Variants in ROBO2 observed in about 807,000 individuals in gnomAD.
The protein encoded by ROBO2 is roundabout guidance receptor 2, also known as roundabout homolog 2.
Under a neutral mutation model 160.8 loss-of-function variants are expected in ROBO2, and 53 were observed. That is an observed-to-expected ratio of 0.33 (90% CI 0.26 to 0.41). The LOEUF (loss-of-function observed/expected upper bound fraction) is 0.41. ROBO2 is among the 10% of genes least tolerant of loss of function. The pLI is 1.00. For missense variants in ROBO2, 1,577 were observed against 1,722.4 expected, an observed-to-expected ratio of 0.92 and a Z score of 1.49; for synonymous variants, 664 against 611.7, an observed-to-expected ratio of 1.09 and a Z score of -1.26.
At chr3:76,842,157 G>A (rs1430117929) in intron 2 of ROBO2, among the ~76,000 whole-genome samples, 1 of 152,178 alleles carries the variant, frequency 6.6e-6, no homozygotes, top group Non-Finnish European at 1.5e-5. Flanking sequence ...ATAGACAATA[G>A]AGAAGGATCG....
chr3:77,497,094 C>A (rs961007772), intron 5 of ROBO2, among the ~76,000 whole-genome samples: 1 of 152,012 alleles, frequency 6.6e-6, no homozygotes, highest in Non-Finnish European at 1.5e-5. Context: ...ATTTTCCATG[C>A]GACCAAGGGA....
intron 2 of ROBO2, among the ~76,000 whole-genome samples, chr3:76,220,870 C>A (rs1485925606): frequency 1.3e-5 from 2 of 152,298 alleles, no homozygotes; most frequent in Admixed American, 6.5e-5. Context: ...CCTTCCTCTA[C>A]CACCCATTCT....
At chr3:76,441,646 G>A (rs1559950785) in intron 2 of ROBO2, among the ~76,000 whole-genome samples, 1 of 151,984 alleles carries the variant, frequency 6.6e-6, no homozygotes, top group African/African-American at 2.4e-5. Flanking sequence ...TAAAAACTGT[G>A]TGAGTGTGTA....
chr3:76,536,613 C>T (rs542886065), intron 2 of ROBO2, among the ~76,000 whole-genome samples: 7 of 152,052 alleles, frequency 4.6e-5, no homozygotes, highest in African/African-American at 1.7e-4. Context: ...GTCTGCTATT[C>T]CCATCGGGGA....
intron 2 of ROBO2, among the ~76,000 whole-genome samples, chr3:75,938,884 C>T (rs1325372798): frequency 6.6e-6 from 1 of 152,128 alleles, no homozygotes; most frequent in East Asian, 1.9e-4. Context: ...TAATAGAATT[C>T]TCATTTTTCT....
chr3:77,450,875 G>T (rs2081046123), intron 2 of ROBO2, among the ~76,000 whole-genome samples: 1 of 151,968 alleles, frequency 6.6e-6, no homozygotes, highest in Admixed American at 6.6e-5. Context: ...CGAAATTTTG[G>T]CCTTTATTAA....
chr3:76,097,437 G>A (rs1401394589), intron 2 of ROBO2, among the ~76,000 whole-genome samples: 1 of 152,118 alleles, frequency 6.6e-6, no homozygotes, highest in East Asian at 1.9e-4. Flanking sequence ...ATATCCTTCT[G>A]CATAGATGAG....
chr3:76,711,825 T>G (rs116563681), intron 2 of ROBO2, among the ~76,000 whole-genome samples: 3,114 of 152,310 alleles, frequency 0.02, 116 homozygotes, highest in African/African-American at 0.067. Flanking sequence ...TTTAACAGAT[T>G]CAGTTTAAAT....
At chr3:76,739,347 G>T (rs574112735) in intron 2 of ROBO2, among the ~76,000 whole-genome samples, 1 of 152,000 alleles carries the variant, frequency 6.6e-6, no homozygotes, top group Non-Finnish European at 1.5e-5. Context: ...GGATGAAATT[G>T]GAAATCATCA....
intron 2 of ROBO2, among the ~76,000 whole-genome samples, chr3:77,324,050 G>A (rs2119749): frequency 0.2 from 30,438 of 152,012 alleles, 3,138 homozygotes; most frequent in East Asian, 0.25. Context: ...GGTATATGAA[G>A]AGGGTGAGAG....
At chr3:76,039,787 T>C (rs1262452541) in intron 2 of ROBO2, among the ~76,000 whole-genome samples, 1 of 152,020 alleles carries the variant, frequency 6.6e-6, no homozygotes, top group Non-Finnish European at 1.5e-5. Context: ...GAAATATTTG[T>C]ATATGATGTA....
chr3:76,333,039 C>T (rs1461054782), intron 2 of ROBO2, among the ~76,000 whole-genome samples: 1 of 152,160 alleles, frequency 6.6e-6, no homozygotes, highest in Non-Finnish European at 1.5e-5. Flanking sequence ...AACAAGTTTG[C>T]AGGTAATGCT....
rs549679852 is a variant in ROBO2, at chr3:76,916,949, G to C, written c.110-181065G>C. ...TTGAGGAACAGAGAAACTTCTAGTT[G>C]AATTTTCTAACCAACTGTCAGCCCA... On this transcript the variant is annotated intron_variant, in intron 2 of 26. Coordinates refer to the ROBO2 transcript ENST00000487694. Among the ~76,000 whole-genome samples the C allele has an allele frequency of 2.6e-5, 4 of 152,114 alleles. No individual in the cohort carries two copies. In the South Asian group the frequency reaches 8.3e-4, roughly 32 times the overall value.
chr3:77,065,889 A>G (rs941121408), intron 1 of ROBO2, among the ~76,000 whole-genome samples: 1 of 152,154 alleles, frequency 6.6e-6, no homozygotes, highest in African/African-American at 2.4e-5. Context: ...TCCCTAGTGT[A>G]AAATAGTCCA....
intron 2 of ROBO2, among the ~76,000 whole-genome samples, chr3:76,011,062 C>T (rs1022131347): frequency 2.0e-5 from 3 of 152,118 alleles, no homozygotes; most frequent in African/African-American, 7.2e-5. Flanking sequence ...AAGATATAAC[C>T]TTGAAGAAAA....
chr3:75,927,462 C>T (rs960627571), intron 1 of ROBO2, among the ~76,000 whole-genome samples: 5 of 152,160 alleles, frequency 3.3e-5, no homozygotes, highest in African/African-American at 1.2e-4. Context: ...GTAACTATTA[C>T]AAGGTAGTTT....
intron 2 of ROBO2, among the ~76,000 whole-genome samples, chr3:75,946,319 A>G (rs1266435576): frequency 6.6e-6 from 1 of 152,094 alleles, no homozygotes; most frequent in Non-Finnish European, 1.5e-5. Context: ...GGATTAGCAT[A>G]TACATGTAGT....
chr3:76,798,156 AAGAAAG>A (rs908768804), intron 2 of ROBO2, among the ~76,000 whole-genome samples: 3 of 149,996 alleles, frequency 2.0e-5, no homozygotes, highest in Non-Finnish European at 4.4e-5. Flanking sequence ...GAAAGAAAGA[AAGAAAG>A]AAAGAAAGGG....
intron 2 of ROBO2, among the ~76,000 whole-genome samples, chr3:77,467,256 A>G (rs1210021728): frequency 6.6e-6 from 1 of 152,196 alleles, no homozygotes; most frequent in African/African-American, 2.4e-5. Flanking sequence ...AAATGTATTG[A>G]ATTCAAATTT....
Sources: allele counts gnomAD v4.1 joint callset (sites outside exome capture counted in the v4.1 genomes callset), GRCh38; gene constraint gnomAD v4.1.1; transcripts MANE v1.5; gene names NCBI Gene and HGNC (gene_info 2026-07-23, HGNC 2026-07-21).